Variants in ITM2B observed in about 807,000 individuals in gnomAD.
The protein encoded by ITM2B is ABri/ADan amyloid peptide.
A neutral mutation model predicts 27.8 loss-of-function variants in ITM2B; 11 were observed. The observed-to-expected ratio is 0.40, with a 90% confidence interval of 0.25 to 0.66. The LOEUF is 0.66. Ranked by LOEUF, ITM2B falls within the 30% of genes least tolerant of loss-of-function variation. The pLI, the probability that ITM2B is intolerant of heterozygous loss-of-function variation, is 0.43. For missense variants in ITM2B, 296 were observed against 328.9 expected, an observed-to-expected ratio of 0.90 and a Z score of 0.77; for synonymous variants, 114 against 114.3, an observed-to-expected ratio of 1.00 and a Z score of 0.02.
chr13:48,254,776 C>G (rs1051036744), intron 2 of ITM2B: 2 of 152,106 alleles, frequency 1.3e-5, no homozygotes, highest in East Asian at 1.9e-4. Flanking sequence ...TACCAAAATA[C>G]TAGTCATCTT....
At chr13:48,237,875 G>A (rs563124759) in intron 1 of ITM2B, among the ~76,000 whole-genome samples, 13 of 152,250 alleles carry the variant, frequency 8.5e-5, no homozygotes, top group Admixed American at 2.0e-4. Context: ...TGCTTTGTAT[G>A]TCAGTGTCAG....
chr13:48,243,040 T>C (rs1951708462), intron 1 of ITM2B, among the ~76,000 whole-genome samples: 1 of 152,212 alleles, frequency 6.6e-6, no homozygotes, highest in Non-Finnish European at 1.5e-5. Context: ...AAAAATTGAC[T>C]TAATGATAAT....
At chr13:48,244,420 C>T (rs1232281147) in intron 1 of ITM2B, among the ~76,000 whole-genome samples, 3 of 152,318 alleles carry the variant, frequency 2.0e-5, no homozygotes, top group Non-Finnish European at 4.4e-5. Flanking sequence ...CAGTAGGGCT[C>T]ATAGGATCAA....
chr13:48,249,517 A>G (rs528197857), intron 1 of ITM2B, among the ~76,000 whole-genome samples: 1 of 152,246 alleles, frequency 6.6e-6, no homozygotes, highest in Admixed American at 6.5e-5. Context: ...AATTAGTTTA[A>G]ATAATTTGAC....
Position 48,256,332 on chromosome 13 carries a change from C to T in ITM2B, c.402C>T (p.Val134=), listed in dbSNP as rs1951788732. The change falls in exon 3 of 6, where the codon GTC becomes GTT. Residue 134 remains valine (V), a synonymous_variant. Transcript: ENST00000647800. ...AAGTTGAATTTATCAGTGTGCCTGT[C>T]CCAGAGTTTGCAGATAGTGATCCTG... ...EEEVEFISVP[V]PEFADSDPAN... is the part of the protein sequence containing the mutation. 5 of 1,613,892 alleles carry T rather than the reference C, an allele frequency of 3.1e-6. No homozygotes were observed. The highest frequency in any genetic ancestry group is 1.3e-5 in the African/African-American group (1 of 74,916).
chr13:48,254,056 CA>C lies in ITM2B; in HGVS notation c.246+121del. The C allele has an allele frequency of 1.6e-5, 15 of 928,404 alleles. 1 individual carries two copies. In the South Asian group the frequency reaches 2.1e-4, roughly 13 times the overall value. 57.5% of individuals were successfully genotyped at this position (928,404 alleles called of 1,614,324 possible). A position where few individuals can be genotyped will look rare whatever the true frequency, so the allele number is the denominator to read the frequency against. On this transcript the variant is annotated intron_variant, in intron 2 of 5. Coordinates refer to ENST00000647800, the MANE Select transcript of ITM2B (RefSeq NM_021999.5). ...GTACTTTTTATCTGTGACCTTCAGC[CA>C]GAGTGGTAGTTCTATTTTAAAGCTG...
Position 48,255,258 on chromosome 13 carries a change from CGCGCGTGTGCGT to C in ITM2B, c.247-913_247-902del, listed in dbSNP as rs1251874825. On this transcript the variant is annotated intron_variant, in intron 2 of 5. Transcript: ENST00000647800. ...GTGTGTGTGTGTGTGTGTGTGTGCG[CGCGCGTGTGCGT>C]GCGCGCACGTGTACATGTACTGTGT... 2.0e-4 allele frequency among the ~76,000 whole-genome samples: 29 copies of C among 148,048 alleles called. No homozygotes were observed. The South Asian group carries it at 3.2e-3, about 17-fold the overall frequency.
Position 48,261,158 on chromosome 13 carries a change from CA to C in ITM2B, c.736del (p.Ser246AlafsTer18). On this transcript the variant is annotated frameshift_variant, in exon 6 of 6. Transcript: ENST00000647800. LOFTEE classifies it high-confidence loss of function. ...TIKGIQKREA[S>X]NCFAIRHFEN... ...CAACAGGTATTCAGAAACGTGAAGC[CA>C]GCAATTGTTTCGCAATTCGGCATTT... 6.2e-7 allele frequency: 1 copy of C among 1,612,088 alleles called. No individual in the cohort carries two copies. Among genetic ancestry groups the C allele is most frequent in the Non-Finnish European group, 8.5e-7 (1 of 1,178,784 alleles).
chr13:48,242,970 C>T (rs146979316), intron 1 of ITM2B, among the ~76,000 whole-genome samples: 241 of 152,230 alleles, frequency 1.6e-3, no homozygotes, highest in African/African-American at 5.5e-3. Flanking sequence ...AATATTAGAA[C>T]TTCAACTTAG....
At chr13:48,250,617 C>CAA (rs759162948) in intron 1 of ITM2B, among the ~76,000 whole-genome samples, 2 of 120,458 alleles carry the variant, frequency 1.7e-5, no homozygotes, top group African/African-American at 3.1e-5. Flanking sequence ...GACTCCATCT[C>CAA]AAAAAAAAAA....
intron 2 of ITM2B, among the ~76,000 whole-genome samples, chr13:48,254,521 T>C (rs144111644): frequency 3.3e-4 from 50 of 152,366 alleles, no homozygotes; most frequent in African/African-American, 1.2e-3. Flanking sequence ...TTCCTTGTGA[T>C]TGATTATAAT....
rs201056094 is a variant in ITM2B, at chr13:48,261,123, T to C, written c.716-16T>C. ...AAGAATCAAAATTTTAAAAAACTTT[T>C]TTCCCTCTCCAACAGGTATTCAGAA... On this transcript the variant is annotated splice_polypyrimidine_tract_variant and intron_variant, in intron 5 of 5. Transcript: ENST00000647800. The C allele has an allele frequency of 1.1e-5, 18 of 1,592,154 alleles. No homozygotes were observed. In the Admixed American group the frequency reaches 2.5e-4, roughly 22 times the overall value.
At chr13:48,254,104 T>TA (rs1440801601) in intron 2 of ITM2B, among the ~76,000 whole-genome samples, 168 bp downstream of exon 2, 1 of 152,196 alleles carries the variant, frequency 6.6e-6, no homozygotes, top group Non-Finnish European at 1.5e-5. Context: ...CTCTCCATGA[T>TA]ATGTTTGCTG....
Position 48,253,889 on chromosome 13 carries a change from GGT to G in ITM2B, c.202_203del (p.Val68TyrfsTer17), listed in dbSNP as rs1951770042. 1 of 1,613,820 alleles carries G rather than the reference GGT, an allele frequency of 6.2e-7. No homozygotes were observed. Among genetic ancestry groups the G allele is most frequent in the Non-Finnish European group, 8.5e-7 (1 of 1,179,812 alleles). On this transcript the variant is annotated frameshift_variant, in exon 2 of 6. Transcript: ENST00000647800. LOFTEE classifies it high-confidence loss of function. Reference protein sequence around the residue: ...MCFGLAFMLAGVILGGAYLYK... With the variant: ...MCFGLAFMLAXVILGGAYLYK... ...CTTTGGACTAGCATTTATGCTTGCA[GGT>G]GTTATTCTAGGAGGAGCATACTTGT...
At chr13:48,233,584 C>T (rs1337502099) in intron 1 of ITM2B, 107 bp downstream of exon 1, 20 of 629,376 alleles carry the variant, frequency 3.2e-5, no homozygotes, top group Non-Finnish European at 4.3e-5. Flanking sequence ...GGGCTCGCGC[C>T]GCGGGGACAA....
Position 48,261,434 on chromosome 13 carries a change from C to A in ITM2B, c.*210C>A, listed in dbSNP as rs1410646862. 6.1e-6 allele frequency: 3 copies of A among 491,650 alleles called. No homozygotes were observed. Among genetic ancestry groups the A allele is most frequent in the Non-Finnish European group, 1.1e-5 (3 of 275,828 alleles). The allele number at this position is 491,650 out of a possible 1,614,324, so 30.5% of individuals were successfully genotyped here. A position where few individuals can be genotyped will look rare whatever the true frequency, so the allele number is the denominator to read the frequency against. Reference sequence around the variant, plus strand: ...GTGTCTTTTATATTTGAATTAGTAACTGTATGAAGTCATAGATAATAGTAC... The same window carrying A: ...GTGTCTTTTATATTTGAATTAGTAAATGTATGAAGTCATAGATAATAGTAC... On this transcript the variant is annotated 3_prime_UTR_variant, in exon 6 of 6. Coordinates refer to ENST00000647800, the MANE Select transcript of ITM2B (RefSeq NM_021999.5).
intron 1 of ITM2B, among the ~76,000 whole-genome samples, chr13:48,248,074 C>T (rs1289060104): frequency 6.6e-6 from 1 of 151,944 alleles, no homozygotes; most frequent in Non-Finnish European, 1.5e-5. Flanking sequence ...GAAGCTCTTA[C>T]TTGTTAGTGG....
At chr13:48,258,092 T>A in intron 3 of ITM2B, 34 bp from the exon 4 acceptor site, 1 of 999,314 alleles carries the variant, frequency 1.0e-6, no homozygotes, top group Non-Finnish European at 1.6e-6. Context: ...TTTGCAAGTA[T>A]TACTGTAACT....
chr13:48,256,955 T>G (rs1225473576), intron 3 of ITM2B, among the ~76,000 whole-genome samples: 2 of 152,154 alleles, frequency 1.3e-5, no homozygotes, highest in African/African-American at 4.8e-5. Context: ...TAACATGATC[T>G]TATAGGACAG....
Sources: allele counts gnomAD v4.1 joint callset (sites outside exome capture counted in the v4.1 genomes callset), GRCh38; gene constraint gnomAD v4.1.1; transcripts MANE v1.5; gene names NCBI Gene and HGNC (gene_info 2026-07-23, HGNC 2026-07-21).